Variants in SDK1 observed in about 807,000 individuals in gnomAD.
SDK1 encodes protein sidekick-1.
A neutral mutation model predicts 245.5 loss-of-function variants in SDK1; 157 were observed. The observed-to-expected ratio is 0.64, with a 90% CI of 0.56 to 0.73. The LOEUF (loss-of-function observed/expected upper bound fraction) is 0.73, where lower values mean the gene tolerates loss of function less well. Among genes scored for constraint, SDK1 ranks in the 30% least tolerant of loss-of-function variants. The pLI, the probability that SDK1 is intolerant of heterozygous loss-of-function variation, is 0.00. For synonymous variants in SDK1, 1,647 were observed against 1,278.5 expected, an observed-to-expected ratio of 1.29 and a Z score of -6.15; for missense variants, 3,583 against 3,002.3, an observed-to-expected ratio of 1.19 and a Z score of -4.52.
At chr7:3,804,799 C>G (rs1779198838) in intron 4 of SDK1, among the ~76,000 whole-genome samples, 1 of 152,144 alleles carries the variant, frequency 6.6e-6, no homozygotes, top group Admixed American at 6.6e-5. Flanking sequence ...TCACCTATTT[C>G]TGTTGAGTGA....
intron 1 of SDK1, among the ~76,000 whole-genome samples, chr7:3,502,337 C>T (rs2128608583): frequency 6.6e-6 from 1 of 152,194 alleles, no homozygotes; most frequent in East Asian, 1.9e-4. Flanking sequence ...GCAACCTCTG[C>T]CTCCTGGGTT....
intron 4 of SDK1, among the ~76,000 whole-genome samples, chr7:3,745,656 T>TCGAG (rs1335347463): frequency 4.6e-5 from 7 of 152,102 alleles, no homozygotes; most frequent in African/African-American, 1.7e-4. Flanking sequence ...AGGAACTCCC[T>TCGAG]CGAGCGACCC....
chr7:4,055,246 T>C (rs1002490626), intron 19 of SDK1, among the ~76,000 whole-genome samples: 3 of 152,190 alleles, frequency 2.0e-5, no homozygotes, highest in Non-Finnish European at 4.4e-5. Context: ...TCTAGGAATA[T>C]TTTTAATATA....
intron 1 of SDK1, among the ~76,000 whole-genome samples, chr7:3,601,609 C>G (rs1183259454): frequency 6.6e-6 from 1 of 151,498 alleles, no homozygotes; most frequent in East Asian, 1.9e-4. Context: ...TTATTTTAGT[C>G]TTGCTAGAGG....
chr7:3,519,458 T>C (rs1485975008), intron 1 of SDK1, among the ~76,000 whole-genome samples: 1 of 152,142 alleles, frequency 6.6e-6, no homozygotes, highest in Non-Finnish European at 1.5e-5. Context: ...ATTACACTTT[T>C]GGGGATTTGT....
At chr7:3,622,721 C>T (rs557935257) in intron 2 of SDK1, among the ~76,000 whole-genome samples, 8 of 152,174 alleles carry the variant, frequency 5.3e-5, no homozygotes, top group South Asian at 4.1e-4. Context: ...GGGAGTGACT[C>T]GTTATATGTG....
At chr7:3,540,030 A>T (rs1475785393) in intron 1 of SDK1, among the ~76,000 whole-genome samples, 2 of 152,220 alleles carry the variant, frequency 1.3e-5, no homozygotes, top group Non-Finnish European at 2.9e-5. Flanking sequence ...TTTCAAATTT[A>T]TGATATTTTG....
intron 25 of SDK1, among the ~76,000 whole-genome samples, chr7:4,114,578 A>G (rs1038339192): frequency 2.0e-5 from 3 of 152,234 alleles, no homozygotes; most frequent in African/African-American, 7.2e-5. Flanking sequence ...TAAAGTTCCT[A>G]TGGGGAATCT....
At chr7:4,087,124 G>T (rs1781472666) in intron 22 of SDK1, among the ~76,000 whole-genome samples, 1 of 151,504 alleles carries the variant, frequency 6.6e-6, no homozygotes, top group Non-Finnish European at 1.5e-5. Context: ...CCCACTTTCA[G>T]GTTCTAAAGG....
chr7:3,761,880 A>T (rs911446998), intron 4 of SDK1, among the ~76,000 whole-genome samples: 1 of 152,206 alleles, frequency 6.6e-6, no homozygotes, highest in Non-Finnish European at 1.5e-5. Flanking sequence ...TTGAATAGCA[A>T]AATGATCTTT....
intron 20 of SDK1, 122 bp downstream of exon 20, chr7:4,068,058 A>C: frequency 1.5e-6 from 1 of 689,592 alleles, no homozygotes; most frequent in Non-Finnish European, 2.4e-6. Flanking sequence ...CTCAAGAGGA[A>C]CTGAAAAGTC....
At chr7:3,464,512 C>T (rs905358835) in intron 1 of SDK1, among the ~76,000 whole-genome samples, 1 of 152,118 alleles carries the variant, frequency 6.6e-6, no homozygotes, top group Non-Finnish European at 1.5e-5. Context: ...TAGAGTGAGA[C>T]CCTGTCTCTA....
chr7:3,539,631 A>G (rs1407484473), intron 1 of SDK1, among the ~76,000 whole-genome samples: 1 of 152,232 alleles, frequency 6.6e-6, no homozygotes, highest in Non-Finnish European at 1.5e-5. Flanking sequence ...TGCATCTGAC[A>G]TAATTCGTGA....
At chr7:3,667,555 A>G (rs150535472) in intron 4 of SDK1, among the ~76,000 whole-genome samples, 1 of 152,326 alleles carries the variant, frequency 6.6e-6, no homozygotes, top group African/African-American at 2.4e-5. Context: ...ATAAAATATA[A>G]AATAGTTCTA....
chr7:3,853,483 T>C (rs1056053972), intron 5 of SDK1, among the ~76,000 whole-genome samples: 13 of 152,292 alleles, frequency 8.5e-5, no homozygotes, highest in Non-Finnish European at 1.9e-4. Flanking sequence ...AATTAAATTT[T>C]ATATATATGC....
chr7:3,586,585 G>C (rs757218608), intron 1 of SDK1, among the ~76,000 whole-genome samples: 1 of 151,024 alleles, frequency 6.6e-6, no homozygotes, highest in African/African-American at 2.4e-5. Flanking sequence ...GGCGCCTGTA[G>C]TCCTAGCTAC....
At chr7:3,812,743 G>C (rs1293576363) in intron 4 of SDK1, among the ~76,000 whole-genome samples, 1 of 152,130 alleles carries the variant, frequency 6.6e-6, no homozygotes, top group African/African-American at 2.4e-5. Flanking sequence ...CTTTCCTGAA[G>C]AATCACAGTT....
intron 4 of SDK1, among the ~76,000 whole-genome samples, chr7:3,805,266 G>A (rs967924016): frequency 1.3e-5 from 2 of 152,202 alleles, no homozygotes; most frequent in African/African-American, 2.4e-5. Context: ...AGTGAGTGTT[G>A]TTGTTACTGT....
At chr7:3,470,524 C>A (rs1449877598) in intron 1 of SDK1, among the ~76,000 whole-genome samples, 2 of 151,972 alleles carry the variant, frequency 1.3e-5, no homozygotes, top group African/African-American at 4.8e-5. Flanking sequence ...AAAATATATA[C>A]AGAAGTCTGC....
Sources: allele counts gnomAD v4.1 joint callset (sites outside exome capture counted in the v4.1 genomes callset), GRCh38; gene constraint gnomAD v4.1.1; transcripts MANE v1.5; gene names NCBI Gene and HGNC (gene_info 2026-07-23, HGNC 2026-07-21).